The following LOC112694756 variants were observed in gnomAD, a reference collection of about 807,000 sequenced individuals.
chr16:30,069,266 G>A, the LOC112694756 span: 1 of 1,606,860 alleles, frequency 6.2e-7, no homozygotes, highest in South Asian at 1.1e-5. Flanking sequence ...GGGACTCTGG[G>A]TTAGGAGGCC....
At chr16:30,069,293 C>G in the LOC112694756 span, 2 of 1,613,944 alleles carry the variant, frequency 1.2e-6, no homozygotes, top group African/African-American at 2.7e-5. Context: ...TGACCCTGTC[C>G]CTCGCCCTGC....
At chr16:30,069,061 C>T in the LOC112694756 span, 1 of 1,587,024 alleles carries the variant, frequency 6.3e-7, no homozygotes, top group Non-Finnish European at 8.6e-7. Context: ...TGCCATGATG[C>T]CTACCTCCCC....
chr16:30,067,558 T>C, the LOC112694756 span: 2 of 1,613,384 alleles, frequency 1.2e-6, no homozygotes, highest in African/African-American at 1.3e-5. Context: ...AACCCCTGCA[T>C]TGGGGGTGTC....
chr16:30,067,403 G>T, the LOC112694756 span: 5 of 1,613,914 alleles, frequency 3.1e-6, no homozygotes, highest in African/African-American at 6.7e-5. Context: ...AGGGTGCAGG[G>T]TTGGGAGTGG....
the LOC112694756 span, chr16:30,068,494 C>A: frequency 4.7e-6 from 4 of 846,954 alleles, no homozygotes; most frequent in Admixed American, 2.0e-5. Flanking sequence ...GCCCAGCTAC[C>A]TAGGAGGCTG....
the LOC112694756 span, among the ~76,000 whole-genome samples, chr16:30,062,530 CAAAAA>C: frequency 1.7e-5 from 1 of 58,614 alleles, no homozygotes; most frequent in Non-Finnish European, 3.4e-5. Context: ...GACTCCGTCT[CAAAAA>C]AAAAAAAAAA....
the LOC112694756 span, among the ~76,000 whole-genome samples, chr16:30,057,726 G>C: frequency 6.6e-6 from 1 of 152,162 alleles, no homozygotes; most frequent in East Asian, 1.9e-4. Flanking sequence ...GGGGTCTCAG[G>C]TTTGGGGCTG....
At chr16:30,063,585 GCACTGTTCCTGGGAATGATGGACAGTACC>G in the LOC112694756 span, 5 of 397,672 alleles carry the variant, frequency 1.3e-5, no homozygotes, top group African/African-American at 2.1e-5. Context: ...ACAGGGAATT[GCACTGTTCCTGGGAATGATGGACAGTACC>G]CTCTGTTCCA....
At chr16:30,055,024 A>T in the LOC112694756 span, 6 of 398,498 alleles carry the variant, frequency 1.5e-5, no homozygotes, top group Non-Finnish European at 2.7e-5. Flanking sequence ...GAGACACTTG[A>T]CATTTAGCCC....
At chr16:30,053,976 C>T in the LOC112694756 span, among the ~76,000 whole-genome samples, 1 of 152,096 alleles carries the variant, frequency 6.6e-6, no homozygotes, top group Admixed American at 6.6e-5. Flanking sequence ...TGCAGCGAGC[C>T]ATGATCATGC....
the LOC112694756 span, chr16:30,064,679 C>CG: frequency 1.0e-5 from 4 of 388,836 alleles, no homozygotes; most frequent in East Asian, 1.5e-4. Flanking sequence ...TAGAGAAGAT[C>CG]GGGGACACAT....
the LOC112694756 span, chr16:30,069,240 G>C: frequency 6.5e-7 from 1 of 1,546,376 alleles, no homozygotes; most frequent in South Asian, 1.1e-5. Flanking sequence ...ACCAGTGGCT[G>C]TGGAGAGATG....
the LOC112694756 span, chr16:30,067,516 G>A: frequency 2.5e-6 from 4 of 1,613,428 alleles, no homozygotes; most frequent in East Asian, 2.2e-5. Context: ...CGCTTCTACC[G>A]CCAGCTGCTG....
chr16:30,062,181 T>C, the LOC112694756 span, among the ~76,000 whole-genome samples: 1 of 144,666 alleles, frequency 6.9e-6, no homozygotes, highest in African/African-American at 2.6e-5. Context: ...CCAGCCTGGG[T>C]GACAGAGCAA....
At chr16:30,056,340 C>A in the LOC112694756 span, among the ~76,000 whole-genome samples, 1 of 152,004 alleles carries the variant, frequency 6.6e-6, no homozygotes, top group Non-Finnish European at 1.5e-5. Flanking sequence ...AACTCCTGAC[C>A]TCAGGTGATC....
the LOC112694756 span, among the ~76,000 whole-genome samples, chr16:30,061,775 G>A: frequency 1.3e-5 from 2 of 151,302 alleles, no homozygotes; most frequent in African/African-American, 4.9e-5. Flanking sequence ...GGCCCAGCTG[G>A]TCCTGAATTC....
chr16:30,066,650 G>A, the LOC112694756 span, among the ~76,000 whole-genome samples: 1 of 152,138 alleles, frequency 6.6e-6, no homozygotes, highest in Non-Finnish European at 1.5e-5. Flanking sequence ...ACCTTGGGAT[G>A]TCCTTGAAGC....
chr16:30,056,603 A>G, the LOC112694756 span, among the ~76,000 whole-genome samples: 2 of 151,902 alleles, frequency 1.3e-5, no homozygotes, highest in African/African-American at 4.8e-5. Flanking sequence ...CTGTCCCCCT[A>G]TCCCCCGCCT....
At chr16:30,069,809 C>T in the LOC112694756 span, 50 of 1,613,880 alleles carry the variant, frequency 3.1e-5, no homozygotes, top group Middle Eastern at 1.2e-3. Context: ...CAGCCCCTCT[C>T]GCCTCACCCC....
Sources: allele counts gnomAD v4.1 joint callset (sites outside exome capture counted in the v4.1 genomes callset), GRCh38; gene constraint gnomAD v4.1.1; transcripts MANE v1.5.